Variants in ARHGAP24 observed in about 807,000 individuals in gnomAD.
ARHGAP24 encodes Rho GTPase activating protein 24, also known as rho GTPase-activating protein 24.
ARHGAP24 carries 50 observed loss-of-function variants against 76.4 expected under a neutral mutation model. The ratio of observed to expected loss-of-function variants is 0.65; its 90% CI spans 0.52 to 0.83. ARHGAP24 has a LOEUF of 0.83. Ranked by LOEUF, ARHGAP24 falls within the 40% of genes least tolerant of loss-of-function variation. The pLI, the probability that ARHGAP24 is intolerant of heterozygous loss-of-function variation, is 0.00. For missense variants in ARHGAP24, 930 were observed against 914.2 expected (o/e 1.02, Z -0.22); for synonymous variants, 345 against 323.3 (o/e 1.07, Z -0.72).
intron 2 of ARHGAP24, among the ~76,000 whole-genome samples, chr4:85,712,644 C>T (rs942129933): frequency 6.6e-6 from 1 of 152,034 alleles, no homozygotes; most frequent in Non-Finnish European, 1.5e-5. Flanking sequence ...TGTGTCACAC[C>T]CATCTCTGCC....
chr4:85,654,833 G>T (rs968767390), intron 2 of ARHGAP24, among the ~76,000 whole-genome samples: 1 of 152,112 alleles, frequency 6.6e-6, no homozygotes, highest in African/African-American at 2.4e-5. Flanking sequence ...TGATATAAAT[G>T]TGTACATGTG....
In ARHGAP24 at chr4:85,502,991, G is replaced by A. The variant is rs148434981; in HGVS notation, c.-21+27432G>A. Among the ~76,000 whole-genome samples, 471 of 152,156 alleles carry A rather than the reference G, an allele frequency of 3.1e-3. 2 individuals carry two copies. The highest frequency in any genetic ancestry group is 9.9e-3 in the African/African-American group (412 of 41,532). On this transcript the variant is annotated intron_variant, in intron 1 of 9. Transcript: ENST00000395184. ...TTGAGATAATCATGTGGTTTTTGTCGTAGGTTCTGTTTATGTGATGGATTA... is the reference window on the plus strand; with the variant it reads ...TTGAGATAATCATGTGGTTTTTGTCATAGGTTCTGTTTATGTGATGGATTA...
chr4:85,756,419 A>T (rs1726496768), intron 3 of ARHGAP24, among the ~76,000 whole-genome samples: 1 of 152,236 alleles, frequency 6.6e-6, no homozygotes, highest in South Asian at 2.1e-4. Flanking sequence ...CTTTTTGATC[A>T]TAATATAATT....
chr4:85,583,165 A>C (rs1727687904), intron 2 of ARHGAP24, among the ~76,000 whole-genome samples: 1 of 152,166 alleles, frequency 6.6e-6, no homozygotes, highest in South Asian at 2.1e-4. Flanking sequence ...GTCTAGTGTA[A>C]CTAACTCAAA....
At chr4:85,924,613 G>A (rs973924659) in intron 4 of ARHGAP24, 1 of 149,446 alleles carries the variant, frequency 6.7e-6, no homozygotes, top group South Asian at 2.1e-4. Flanking sequence ...CCATTCTTTT[G>A]TATATTGTCA....
intron 2 of ARHGAP24, among the ~76,000 whole-genome samples, chr4:85,694,770 A>G (rs1723810404): frequency 6.6e-6 from 1 of 152,204 alleles, no homozygotes; most frequent in South Asian, 2.1e-4. Flanking sequence ...GGCTACAAAG[A>G]GTATGTTGGG....
At chr4:85,520,657 T>G (rs1267274420) in intron 1 of ARHGAP24, among the ~76,000 whole-genome samples, 1 of 152,180 alleles carries the variant, frequency 6.6e-6, no homozygotes, top group Non-Finnish European at 1.5e-5. Context: ...TATTGAACCA[T>G]GTGTCAGCTG....
chr4:85,482,523 G>C (rs997231070), intron 1 of ARHGAP24, among the ~76,000 whole-genome samples: 1 of 152,104 alleles, frequency 6.6e-6, no homozygotes, highest in Non-Finnish European at 1.5e-5. Flanking sequence ...TCAAGCTGCC[G>C]AGGGAGGATG....
intron 2 of ARHGAP24, among the ~76,000 whole-genome samples, chr4:85,707,274 A>G (rs534843924): frequency 7.2e-5 from 11 of 152,314 alleles, no homozygotes; most frequent in African/African-American, 2.6e-4. Flanking sequence ...CACCCATGCA[A>G]GGATATATTT....
At chr4:85,487,948 C>T (rs1485567983) in intron 1 of ARHGAP24, among the ~76,000 whole-genome samples, 1 of 143,208 alleles carries the variant, frequency 7.0e-6, no homozygotes, top group African/African-American at 2.6e-5. Context: ...CTCTGTCGCC[C>T]GGGCTGTAGT....
chr4:85,693,701 C>T (rs1723757346), intron 2 of ARHGAP24, among the ~76,000 whole-genome samples: 1 of 152,190 alleles, frequency 6.6e-6, no homozygotes, highest in African/African-American at 2.4e-5. Flanking sequence ...AGGCAAGGGC[C>T]CTGGGAGAGG....
chr4:85,689,390 T>A (rs559086665), intron 2 of ARHGAP24, among the ~76,000 whole-genome samples: 2 of 152,118 alleles, frequency 1.3e-5, no homozygotes, highest in Admixed American at 6.6e-5. Context: ...TTTTTTTAAA[T>A]TTTTAATTTT....
chr4:85,922,680 A>T (rs346516), intron 3 of ARHGAP24, among the ~76,000 whole-genome samples: 46,107 of 152,002 alleles, frequency 0.3, 7,252 homozygotes, highest in East Asian at 0.56. Flanking sequence ...AGGCTCTGAT[A>T]CTTGTCTTCA....
At chr4:85,537,207 G>A (rs1288523473) in intron 1 of ARHGAP24, among the ~76,000 whole-genome samples, 4 of 152,162 alleles carry the variant, frequency 2.6e-5, no homozygotes, top group African/African-American at 7.2e-5. Context: ...GGCTGTACAC[G>A]AAGGAATTAT....
chr4:85,790,690 G>C (rs1270879089), intron 3 of ARHGAP24, among the ~76,000 whole-genome samples: 1 of 152,188 alleles, frequency 6.6e-6, no homozygotes, highest in Non-Finnish European at 1.5e-5. Flanking sequence ...TGGACAACAA[G>C]TAGTCATCAC....
intron 5 of ARHGAP24, among the ~76,000 whole-genome samples, chr4:85,965,309 A>G (rs1738523676): frequency 6.6e-6 from 1 of 152,120 alleles, no homozygotes; most frequent in Admixed American, 6.6e-5. Flanking sequence ...CACTATCATG[A>G]GAACAGCACA....
chr4:85,972,503 A>G (rs1739046248), intron 6 of ARHGAP24: 2 of 307,534 alleles, frequency 6.5e-6, no homozygotes, highest in Non-Finnish European at 1.2e-5. Flanking sequence ...TGTGGACCCA[A>G]ACCACTTCAA....
In ARHGAP24 at chr4:85,574,423, C is replaced by T. The variant is rs1036091424; in HGVS notation, c.180+3702C>T. ...TGCATAAGGCAAGAGGTGACCCTGACCTGGGATTTTGAAGGTAGATGTGAG... is the reference window on the plus strand; with the variant it reads ...TGCATAAGGCAAGAGGTGACCCTGATCTGGGATTTTGAAGGTAGATGTGAG... On this transcript the variant is annotated intron_variant, in intron 2 of 9. Coordinates refer to ENST00000395184, the MANE Select transcript of ARHGAP24 (RefSeq NM_001025616.3). Among the ~76,000 whole-genome samples, 6 of 152,096 alleles carry T rather than the reference C, an allele frequency of 3.9e-5. No homozygotes were observed. In the East Asian group the frequency reaches 7.7e-4, roughly 19 times the overall value.
chr4:85,712,375 T>C (rs1234198705), intron 2 of ARHGAP24, among the ~76,000 whole-genome samples: 1 of 152,182 alleles, frequency 6.6e-6, no homozygotes. Context: ...GGTGGACTCA[T>C]TTTAAAACCC....
Sources: gnomAD v4.1 joint callset for allele counts (sites outside exome capture counted in the v4.1 genomes callset) on GRCh38, gnomAD v4.1.1 for gene constraint, MANE v1.5 for transcripts, NCBI Gene and HGNC (gene_info 2026-07-23, HGNC 2026-07-21) for gene names.